Variants in ADGRD1 observed in about 807,000 individuals in gnomAD.
ADGRD1 encodes G-protein coupled receptor 133.
Under a neutral mutation model 113.4 loss-of-function variants are expected in ADGRD1, and 77 were observed. The ratio of observed to expected loss-of-function variants is 0.68; its 90% CI spans 0.57 to 0.82. ADGRD1 has a LOEUF of 0.82. Among genes scored for constraint, ADGRD1 ranks in the 40% least tolerant of loss-of-function variants. ADGRD1 has a pLI of 0.00. For missense variants in ADGRD1, 1,036 were observed against 1,139.1 expected, an observed-to-expected ratio of 0.91 and a Z score of 1.30; for synonymous variants, 474 against 475.0, an observed-to-expected ratio of 1.00 and a Z score of 0.03.
intron 13 of ADGRD1, among the ~76,000 whole-genome samples, chr12:131,055,352 T>A (rs975101267): frequency 6.6e-6 from 1 of 152,172 alleles, no homozygotes; most frequent in African/African-American, 2.4e-5. Context: ...TCCCTGGACA[T>A]CAAGTTCTGC....
intron 13 of ADGRD1, among the ~76,000 whole-genome samples, chr12:131,031,013 C>G (rs1175098826): frequency 6.6e-6 from 1 of 152,202 alleles, no homozygotes; most frequent in African/African-American, 2.4e-5. Context: ...CCGAGGGCCG[C>G]TCTTTTCACC....
intron 18 of ADGRD1, among the ~76,000 whole-genome samples, chr12:131,117,182 C>T (rs1950487228): frequency 6.6e-6 from 1 of 152,172 alleles, no homozygotes; most frequent in African/African-American, 2.4e-5. Context: ...CTGGGGACTG[C>T]TGTGATCCAG....
intron 20 of ADGRD1, among the ~76,000 whole-genome samples, chr12:131,128,822 T>A (rs151011692): frequency 1.2e-4 from 18 of 152,012 alleles, no homozygotes; most frequent in African/African-American, 3.9e-4. Context: ...TTCCATAGAG[T>A]GGGTGTGGGC....
intron 13 of ADGRD1, among the ~76,000 whole-genome samples, chr12:131,064,982 C>T (rs1326307531): frequency 6.6e-6 from 1 of 152,210 alleles, no homozygotes; most frequent in Admixed American, 6.5e-5. Flanking sequence ...ATGAGCAGCA[C>T]TAGGCAGGCT....
intron 12 of ADGRD1, among the ~76,000 whole-genome samples, chr12:131,008,498 A>G (rs913424270): frequency 6.6e-6 from 1 of 152,212 alleles, no homozygotes; most frequent in African/African-American, 2.4e-5. Flanking sequence ...CTCAGTGCAC[A>G]AAGGGTGGGG....
rs534347597 is a variant in ADGRD1, at chr12:131,035,837, C to T, written c.1473+21497C>T. ...TATGCCTTATGCACACAGACATGAACGTTTTATAAGTGGAAATTATAATGT... is the reference window on the plus strand; with the variant it reads ...TATGCCTTATGCACACAGACATGAATGTTTTATAAGTGGAAATTATAATGT... On this transcript the variant is annotated intron_variant, in intron 13 of 24. Transcript: ENST00000261654. Among the ~76,000 whole-genome samples the T allele has an allele frequency of 4.0e-4, 61 of 152,242 alleles. No individual in the cohort carries two copies. In the South Asian group the frequency reaches 0.012, roughly 30 times the overall value.
chr12:131,030,772 G>C (rs1292507455), intron 13 of ADGRD1: 1 of 152,272 alleles, frequency 6.6e-6, no homozygotes, highest in Non-Finnish European at 1.5e-5. Context: ...GTGGCACACT[G>C]AGACTGTAAA....
intron 16 of ADGRD1, 50 bp downstream of exon 16, chr12:131,104,984 AC>A: frequency 7.9e-7 from 1 of 1,257,964 alleles, no homozygotes; most frequent in Non-Finnish European, 1.1e-6. Flanking sequence ...CCCTGCCTGC[AC>A]CCAGATCTCA....
chr12:130,957,278 TCCATA>T (rs1230007400), intron 2 of ADGRD1: 2 of 152,276 alleles, frequency 1.3e-5, no homozygotes, highest in African/African-American at 4.8e-5. Context: ...TCCACACACA[TCCATA>T]CATTTCTACA....
chr12:131,071,410 C>T (rs568980513), intron 13 of ADGRD1, among the ~76,000 whole-genome samples: 2 of 151,676 alleles, frequency 1.3e-5, no homozygotes, highest in African/African-American at 2.4e-5. Context: ...GTGAGTGGGG[C>T]GAGGCCACTG....
intron 5 of ADGRD1, among the ~76,000 whole-genome samples, chr12:130,983,025 G>T (rs1465743073): frequency 6.6e-6 from 1 of 152,126 alleles, no homozygotes; most frequent in Admixed American, 6.5e-5. Context: ...AGGCTGCATG[G>T]CCCAGTTATT....
At chr12:131,137,269 G>A (rs1951110465) in intron 23 of ADGRD1, among the ~76,000 whole-genome samples, 1 of 152,248 alleles carries the variant, frequency 6.6e-6, no homozygotes, top group Non-Finnish European at 1.5e-5. Context: ...TAGGGAGAGT[G>A]AGATGTAGGC....
intron 2 of ADGRD1, among the ~76,000 whole-genome samples, chr12:130,960,264 T>C (rs1870181296): frequency 6.6e-6 from 1 of 152,130 alleles, no homozygotes; most frequent in African/African-American, 2.4e-5. Flanking sequence ...GCTCCAGCCG[T>C]TTCCAGAAGT....
chr12:131,001,428 G>A (rs1876378616), intron 9 of ADGRD1, among the ~76,000 whole-genome samples: 1 of 152,126 alleles, frequency 6.6e-6, no homozygotes, highest in Non-Finnish European at 1.5e-5. Flanking sequence ...TTTCCTTATA[G>A]TCTAGTTTTC....
chr12:131,085,890 G>A (rs1151349), intron 15 of ADGRD1, among the ~76,000 whole-genome samples: 9,992 of 152,258 alleles, frequency 0.066, 381 homozygotes, highest in Non-Finnish European at 0.079. Flanking sequence ...CTTCCGTGCG[G>A]AGCCCTGGTC....
chr12:130,986,873 G>A (rs1182280503), intron 5 of ADGRD1: 18 of 547,692 alleles, frequency 3.3e-5, no homozygotes, highest in Non-Finnish European at 4.2e-5. Flanking sequence ...TCCTTGAACT[G>A]CTTCTGGAAT....
At chr12:131,080,006 C>CAGCTTTCTTTGAGTTTAATTTGCTCT in intron 14 of ADGRD1, among the ~76,000 whole-genome samples, 1 of 152,090 alleles carries the variant, frequency 6.6e-6, no homozygotes, top group African/African-American at 2.4e-5. Flanking sequence ...TTACTTCCTT[C>CAGCTTTCTTTGAGTTTAATTTGCTCT]AGCTTTCTTT....
Position 131,050,746 on chromosome 12 carries a change from C to T in ADGRD1, c.1474-26055C>T, listed in dbSNP as rs536394944. ...GGTTTCGTGGAAGACAATTTTTGCA[C>T]GGATGGGGTGGGGGATGGATTCGGG... is the stretch of plus-strand genomic sequence containing the variant. On this transcript the variant is annotated intron_variant, in intron 13 of 24. Transcript: ENST00000261654. The surrounding 1 kb of genome is among the most constrained non-coding windows in gnomAD (Gnocchi z 4.8). Among the ~76,000 whole-genome samples the T allele has an allele frequency of 2.6e-5, 4 of 152,062 alleles. No individual in the cohort carries two copies. Among genetic ancestry groups the T allele is most frequent in the African/African-American group, 7.2e-5 (3 of 41,386 alleles).
intron 17 of ADGRD1, among the ~76,000 whole-genome samples, chr12:131,106,080 G>A (rs920058890): frequency 5.9e-5 from 9 of 152,114 alleles, no homozygotes; most frequent in African/African-American, 1.7e-4. Context: ...TGCCGCTGCC[G>A]CCACCCACTC....
Sources: allele counts gnomAD v4.1 joint callset (sites outside exome capture counted in the v4.1 genomes callset), GRCh38; gene constraint gnomAD v4.1.1; non-coding constraint Gnocchi (gnomAD v3.1); transcripts MANE v1.5; gene names NCBI Gene and HGNC (gene_info 2026-07-23, HGNC 2026-07-21).